Variants in RABGEF1 observed in about 807,000 individuals in gnomAD.
RABGEF1 encodes the protein rab5 GDP/GTP exchange factor.
A neutral mutation model predicts 57.3 loss-of-function variants in RABGEF1; 26 were observed. The observed-to-expected ratio is 0.45, with a 90% CI of 0.33 to 0.63. The LOEUF (loss-of-function observed/expected upper bound fraction) is 0.63. RABGEF1 is among the 20% of genes least tolerant of loss of function. The pLI, the probability that RABGEF1 is intolerant of heterozygous loss-of-function variation, is 0.02. For missense variants in RABGEF1, 464 were observed against 607.6 expected (o/e 0.76, Z 2.48); for synonymous variants, 185 against 210.7 (o/e 0.88, Z 1.06).
chr7:66,654,744 G>C, the RABGEF1 span: 1 of 152,666 alleles, frequency 6.6e-6, no homozygotes, highest in Non-Finnish European at 1.5e-5. Flanking sequence ...CGCGCGGCTG[G>C]GGCAGTTGCG....
At chr7:66,754,647 T>A (rs1049662815) in intron 1 of RABGEF1, among the ~76,000 whole-genome samples, 12 of 152,178 alleles carry the variant, frequency 7.9e-5, no homozygotes, top group Non-Finnish European at 1.6e-4. Context: ...CATATGTGTC[T>A]TATATTTTAG....
rs1227061166 is a variant in RABGEF1, at chr7:66,775,555, T to C, written c.346+162T>C. On this transcript the variant is annotated intron_variant, in intron 3 of 8. Transcript: ENST00000284957. The stretch of plus-strand genomic sequence containing the variant: ...CTTGAGGGTCAGACAGTATATGAAA[T>C]CAATACTCTCTTTGGTTGAAAGACA... Among the ~76,000 whole-genome samples, 5 of 152,324 alleles carry C rather than the reference T, an allele frequency of 3.3e-5. No homozygotes were observed. The South Asian group carries it at 6.2e-4, about 19-fold the overall frequency.
chr7:66,766,657 C>T (rs1352784717), intron 1 of RABGEF1, among the ~76,000 whole-genome samples: 1 of 152,104 alleles, frequency 6.6e-6, no homozygotes, highest in Admixed American at 6.5e-5. Flanking sequence ...TATTAAAGAT[C>T]TGATCTCTAA....
chr7:66,733,069 T>G (rs1390583377), intron 2 of RABGEF1, among the ~76,000 whole-genome samples: 1 of 152,224 alleles, frequency 6.6e-6, no homozygotes, highest in Non-Finnish European at 1.5e-5. Flanking sequence ...TCAAGGTTCC[T>G]GGAGTCCTGG....
chr7:66,675,266 C>T, the RABGEF1 span, among the ~76,000 whole-genome samples: 1 of 152,074 alleles, frequency 6.6e-6, no homozygotes, highest in Non-Finnish European at 1.5e-5. Flanking sequence ...TCTGTCTCTG[C>T]TAAAAATACA....
intron 2 of RABGEF1, among the ~76,000 whole-genome samples, chr7:66,773,287 A>G (rs1807669244): frequency 6.6e-6 from 1 of 152,138 alleles, no homozygotes; most frequent in African/African-American, 2.4e-5. Flanking sequence ...TCCTGTTTCA[A>G]AAACAGAGTA....
chr7:66,663,524 G>A, the RABGEF1 span, among the ~76,000 whole-genome samples: 1 of 147,548 alleles, frequency 6.8e-6, no homozygotes, highest in African/African-American at 2.5e-5. Context: ...GTTGAAGTGA[G>A]CTGAGATCAC....
chr7:66,737,003 T>TCG (rs1246770123), upstream of RABGEF1, among the ~76,000 whole-genome samples: 1 of 151,442 alleles, frequency 6.6e-6, no homozygotes, highest in African/African-American at 2.4e-5. Context: ...CTTCCACTGC[T>TCG]CTTACTTGAT....
chr7:66,659,154 C>T, the RABGEF1 span, among the ~76,000 whole-genome samples: 1 of 152,162 alleles, frequency 6.6e-6, no homozygotes, highest in Non-Finnish European at 1.5e-5. Flanking sequence ...TTAAAAAATT[C>T]TCAAGAAGAC....
intron 1 of RABGEF1, chr7:66,682,393 A>G (rs1418101113): frequency 6.5e-6 from 1 of 153,360 alleles, no homozygotes; most frequent in Non-Finnish European, 1.5e-5. Context: ...CCTTCTTCCC[A>G]TATTCTGGCC....
rs1034557366 is a variant in RABGEF1, at chr7:66,810,160, G to C, written c.*876G>C. ...TGGGCCTCTGATGGTGAGAGGTGACGGGGTCCCTCAGCTGTGAGATGCAAG... is the reference window on the plus strand; with the variant it reads ...TGGGCCTCTGATGGTGAGAGGTGACCGGGTCCCTCAGCTGTGAGATGCAAG... On this transcript the variant is annotated 3_prime_UTR_variant, in exon 9 of 9. Transcript: ENST00000284957. 22 of 152,152 alleles carry C rather than the reference G, an allele frequency of 1.4e-4. No homozygotes were observed. The highest frequency in any genetic ancestry group is 4.8e-4 in the African/African-American group (20 of 41,422). 9.4% of individuals were successfully genotyped at this position (152,152 alleles called of 1,614,324 possible).
At chr7:66,804,103 T>TA (rs1787907183) in intron 7 of RABGEF1, among the ~76,000 whole-genome samples, 2 of 151,068 alleles carry the variant, frequency 1.3e-5, no homozygotes, top group South Asian at 4.2e-4. Flanking sequence ...TTTTTTTTTT[T>TA]AACAAGATTT....
chr7:66,771,139 A>T (rs1461081753), intron 1 of RABGEF1, among the ~76,000 whole-genome samples: 1 of 151,666 alleles, frequency 6.6e-6, no homozygotes, highest in African/African-American at 2.4e-5. Context: ...TAATTTTTAA[A>T]AATTTTTTAT....
intron 4 of RABGEF1, among the ~76,000 whole-genome samples, chr7:66,790,780 A>G (rs1201450318): frequency 2.6e-5 from 4 of 152,222 alleles, no homozygotes; most frequent in African/African-American, 9.6e-5. Flanking sequence ...CTATTCAGGA[A>G]TGTGTTCTCT....
chr7:66,689,290 G>A (rs779396800), intron 1 of RABGEF1, among the ~76,000 whole-genome samples: 5 of 151,018 alleles, frequency 3.3e-5, no homozygotes, highest in Non-Finnish European at 5.9e-5. Context: ...CAGCAAAATC[G>A]ACAAGTTTTT....
chr7:66,654,818 C>T, the RABGEF1 span, among the ~76,000 whole-genome samples: 2 of 152,212 alleles, frequency 1.3e-5, no homozygotes, highest in African/African-American at 2.4e-5. Flanking sequence ...CTTCCCAGTT[C>T]CAGGCCGCCC....
the RABGEF1 span, among the ~76,000 whole-genome samples, chr7:66,654,989 C>G: frequency 5.9e-5 from 9 of 152,248 alleles, no homozygotes; most frequent in Admixed American, 5.9e-4. Context: ...CTTCCCCGTC[C>G]AGGACGCTGG....
chr7:66,753,700 C>CT (rs1562788670), intron 1 of RABGEF1, among the ~76,000 whole-genome samples: 28 of 78,540 alleles, frequency 3.6e-4, no homozygotes, highest in African/African-American at 8.3e-4. Context: ...ATTTTGCCAT[C>CT]GTTTTTTTTT....
At chr7:66,669,789 C>G in the RABGEF1 span, 2 of 152,436 alleles carry the variant, frequency 1.3e-5, no homozygotes, top group African/African-American at 4.8e-5. Flanking sequence ...GCACCATCAT[C>G]ATCTACCTGG....
Sources: gnomAD v4.1 joint callset for allele counts (sites outside exome capture counted in the v4.1 genomes callset) on GRCh38, gnomAD v4.1.1 for gene constraint, MANE v1.5 for transcripts, NCBI Gene and HGNC (gene_info 2026-07-23, HGNC 2026-07-21) for gene names.